The following DOCK2 variants were observed in gnomAD, a reference collection of about 807,000 sequenced individuals.
DOCK2 encodes the protein dedicator of cytokinesis 2, also known as dedicator of cytokinesis protein 2.
A neutral mutation model predicts 248.9 loss-of-function variants in DOCK2; 87 were observed. The ratio of observed to expected loss-of-function variants is 0.35; its 90% CI spans 0.29 to 0.42. The LOEUF is 0.42. DOCK2 is among the 10% of genes least tolerant of loss of function. The pLI is 1.00. For missense variants in DOCK2, 1,747 were observed against 2,300.2 expected, an observed-to-expected ratio of 0.76 and a Z score of 4.92; for synonymous variants, 805 against 821.6, an observed-to-expected ratio of 0.98 and a Z score of 0.35.
chr5:169,738,518 C>A (rs1014899627), intron 22 of DOCK2, among the ~76,000 whole-genome samples: 2 of 152,138 alleles, frequency 1.3e-5, no homozygotes, highest in Non-Finnish European at 2.9e-5. Context: ...ACCAGTGGGG[C>A]CTTTAGGCTG....
Position 170,069,225 on chromosome 5 carries a change from G to C in DOCK2, c.4728+5G>C, listed in dbSNP as rs1196714045. On this transcript the variant is annotated splice_donor_5th_base_variant and intron_variant, in intron 46 of 51. Transcript: ENST00000520908. ...AAGGACCTGATTGCATGGCAGGTGAGGCAGCGCTGGCCAGGGGAGCATGCT... is the reference window on the plus strand; with the variant it reads ...AAGGACCTGATTGCATGGCAGGTGACGCAGCGCTGGCCAGGGGAGCATGCT... 1.2e-6 allele frequency: 2 copies of C among 1,613,340 alleles called. No homozygotes were observed. Among genetic ancestry groups the C allele is most frequent in the East Asian group, 4.5e-5 (2 of 44,862 alleles).
chr5:169,981,045 C>T (rs1026221802), intron 27 of DOCK2, among the ~76,000 whole-genome samples: 1 of 152,166 alleles, frequency 6.6e-6, no homozygotes. Context: ...TGACAGACCC[C>T]TTGCTTAGAA....
chr5:169,815,109 ATTTG>A (rs1767984542), intron 26 of DOCK2, among the ~76,000 whole-genome samples: 1 of 152,206 alleles, frequency 6.6e-6, no homozygotes, highest in Non-Finnish European at 1.5e-5. Flanking sequence ...CACGTGGGCT[ATTTG>A]ACATCCCTAG....
intron 22 of DOCK2, among the ~76,000 whole-genome samples, chr5:169,726,249 A>C (rs1330364625): frequency 6.6e-6 from 1 of 152,116 alleles, no homozygotes; most frequent in African/African-American, 2.4e-5. Context: ...GCATTTCCCT[A>C]ATGACCAGTG....
At chr5:169,841,470 C>A in intron 27 of DOCK2, 1 of 985,314 alleles carries the variant, frequency 1.0e-6, no homozygotes. Context: ...CAAATGCTTT[C>A]AGGGGCCAGT....
chr5:169,996,072 C>T lies in DOCK2; in HGVS notation c.2994-14C>T. The T allele has an allele frequency of 1.9e-6, 3 of 1,613,296 alleles. No individual in the cohort carries two copies. The highest frequency in any genetic ancestry group is 2.5e-6 in the Non-Finnish European group (3 of 1,179,572). On this transcript the variant is annotated splice_polypyrimidine_tract_variant and intron_variant, in intron 29 of 51. Coordinates refer to ENST00000520908, the MANE Select transcript of DOCK2 (RefSeq NM_004946.3). ...CATGCTCAGACAGTCTGGTAATTTT[C>T]TGCCCTCTTCCAGGGTCTTCCTGAG...
At chr5:170,013,609 G>A (rs1162267187) in intron 32 of DOCK2, among the ~76,000 whole-genome samples, 1 of 151,978 alleles carries the variant, frequency 6.6e-6, no homozygotes, top group Non-Finnish European at 1.5e-5. Context: ...GCTGGGGAAG[G>A]CAAGGAAATA....
intron 27 of DOCK2, among the ~76,000 whole-genome samples, chr5:169,887,966 C>T (rs1051557266): frequency 6.6e-5 from 10 of 152,060 alleles, no homozygotes; most frequent in Non-Finnish European, 1.3e-4. Flanking sequence ...TCATTATTCT[C>T]GATATGGAAT....
intron 51 of DOCK2, 109 bp downstream of exon 51, chr5:170,082,093 T>C (rs1758055325): frequency 4.9e-6 from 7 of 1,440,686 alleles, no homozygotes; most frequent in Admixed American, 4.1e-5. Context: ...TGGTCATTCC[T>C]AGGGAGGCAT....
At chr5:170,002,162 T>G (rs1754857084) in intron 30 of DOCK2, among the ~76,000 whole-genome samples, 1 of 151,712 alleles carries the variant, frequency 6.6e-6, no homozygotes, top group African/African-American at 2.4e-5. Flanking sequence ...GTTCTAGGAA[T>G]GTATACTACA....
intron 25 of DOCK2, among the ~76,000 whole-genome samples, chr5:169,776,161 A>G (rs1025156207): frequency 6.9e-6 from 1 of 144,248 alleles, no homozygotes; most frequent in Admixed American, 7.1e-5. Context: ...ATATAAATAT[A>G]TATATTTATA....
intron 25 of DOCK2, among the ~76,000 whole-genome samples, chr5:169,782,608 G>A (rs1765773895): frequency 1.3e-5 from 2 of 151,692 alleles, no homozygotes; most frequent in Admixed American, 6.6e-5. Flanking sequence ...CTACGCCTTA[G>A]GGTCAGAAAT....
intron 25 of DOCK2, among the ~76,000 whole-genome samples, chr5:169,795,095 T>C (rs261606): frequency 0.32 from 48,549 of 152,064 alleles, 8,509 homozygotes; most frequent in African/African-American, 0.46. Flanking sequence ...GTCTCTGTGT[T>C]TCTAAATGGC....
At chr5:170,004,977 T>A (rs1754969468) in intron 30 of DOCK2, among the ~76,000 whole-genome samples, 3 of 138,558 alleles carry the variant, frequency 2.2e-5, no homozygotes, top group East Asian at 2.2e-4. Flanking sequence ...AGATGACGAG[T>A]TAGTGGGTGC....
chr5:170,030,990 G>A (rs914470894), intron 34 of DOCK2, among the ~76,000 whole-genome samples: 1 of 152,206 alleles, frequency 6.6e-6, no homozygotes, highest in African/African-American at 2.4e-5. Flanking sequence ...CAGTCCTCAT[G>A]TGCTCTGCGC....
At chr5:170,018,200 G>C (rs1049745049) in intron 32 of DOCK2, among the ~76,000 whole-genome samples, 3 of 152,178 alleles carry the variant, frequency 2.0e-5, no homozygotes, top group Admixed American at 1.3e-4. Flanking sequence ...TTCTCCCAGA[G>C]GAAGGAGTGT....
At chr5:169,794,089 C>T (rs1472716631) in intron 25 of DOCK2, among the ~76,000 whole-genome samples, 2 of 152,154 alleles carry the variant, frequency 1.3e-5, no homozygotes, top group Non-Finnish European at 2.9e-5. Context: ...GCACCTGCCT[C>T]CCAGGGCTGC....
intron 29 of DOCK2, among the ~76,000 whole-genome samples, chr5:169,986,270 A>C (rs956165721): frequency 6.6e-6 from 1 of 152,242 alleles, no homozygotes; most frequent in African/African-American, 2.4e-5. Context: ...TGGTAAAATA[A>C]GTTTAGGAAG....
At chr5:169,840,344 C>T (rs766294110) in intron 26 of DOCK2, among the ~76,000 whole-genome samples, 6 of 152,160 alleles carry the variant, frequency 3.9e-5, no homozygotes, top group Non-Finnish European at 5.9e-5. Context: ...GATCCAATTG[C>T]CTTCTACGAG....
Sources: gnomAD v4.1 joint callset for allele counts (sites outside exome capture counted in the v4.1 genomes callset) on GRCh38, gnomAD v4.1.1 for gene constraint, MANE v1.5 for transcripts, NCBI Gene and HGNC (gene_info 2026-07-23, HGNC 2026-07-21) for gene names.